The following KIF5A variants were observed in gnomAD, a reference collection of about 807,000 sequenced individuals.
The protein encoded by KIF5A is kinesin family member 5A.
KIF5A carries 35 observed loss-of-function variants against 141.3 expected under a neutral mutation model. The ratio of observed to expected loss-of-function variants is 0.25; its 90% CI spans 0.19 to 0.33. KIF5A has a LOEUF of 0.33. Among genes scored for constraint, KIF5A ranks in the 10% least tolerant of loss-of-function variants. KIF5A has a pLI of 1.00. For synonymous variants in KIF5A, 448 were observed against 500.2 expected (o/e 0.90, Z 1.39); for missense variants, 861 against 1,314.3 (o/e 0.66, Z 5.33).
At chr12:57,552,867 C>T (rs1881620961) in intron 1 of KIF5A, among the ~76,000 whole-genome samples, 1 of 152,144 alleles carries the variant, frequency 6.6e-6, no homozygotes, top group East Asian at 1.9e-4. Flanking sequence ...CTCTGCAGCA[C>T]TGCGGCCAGC....
intron 6 of KIF5A, among the ~76,000 whole-genome samples, chr12:57,565,929 GT>G (rs1882050299): frequency 6.9e-6 from 1 of 143,964 alleles, no homozygotes; most frequent in Admixed American, 7.0e-5. Context: ...TGAGTCTCTT[GT>G]TTAAAAAAAA....
At chr12:57,563,074 TCGGCTCAC>T (rs1488777644) in intron 1 of KIF5A, among the ~76,000 whole-genome samples, 3 of 151,406 alleles carry the variant, frequency 2.0e-5, no homozygotes, top group Non-Finnish European at 4.4e-5. Flanking sequence ...TGGCGCAATC[TCGGCTCAC>T]TGCAACCTCT....
chr12:57,582,996 C>T lies in KIF5A; in HGVS notation c.3021-105C>T, dbSNP rs542366044. Reference sequence around the variant, plus strand: ...GTATTCCTGTAAAACACAAATAGTCCCTGCCGTTTGTGATCTCACAGGGAC... The same window carrying T: ...GTATTCCTGTAAAACACAAATAGTCTCTGCCGTTTGTGATCTCACAGGGAC... On this transcript the variant is annotated intron_variant, in intron 27 of 28. Transcript: ENST00000455537. 3 of 919,576 alleles carry T rather than the reference C, an allele frequency of 3.3e-6. No homozygotes were observed. The South Asian group carries it at 4.2e-5, about 13-fold the overall frequency. 57.0% of individuals were successfully genotyped at this position (919,576 alleles called of 1,614,324 possible). A position where few individuals can be genotyped will look rare whatever the true frequency, so the allele number is the denominator to read the frequency against.
intron 1 of KIF5A, among the ~76,000 whole-genome samples, chr12:57,559,159 T>C (rs545205511): frequency 2.6e-5 from 4 of 152,384 alleles, no homozygotes; most frequent in African/African-American, 7.2e-5. Flanking sequence ...AATCATCTGC[T>C]ATTACAAACA....
intron 1 of KIF5A, among the ~76,000 whole-genome samples, chr12:57,552,781 G>A (rs1413127902): frequency 1.3e-5 from 2 of 152,106 alleles, no homozygotes; most frequent in Non-Finnish European, 2.9e-5. Context: ...AGGAAGGTGC[G>A]GGAAGAGTGA....
intron 26 of KIF5A, 152 bp from the exon 27 acceptor site, chr12:57,582,450 T>A: frequency 1.4e-6 from 1 of 726,090 alleles, no homozygotes; most frequent in Non-Finnish European, 2.4e-6. Flanking sequence ...AACAAAATAA[T>A]GATGTAGCTT....
Position 57,550,287 on chromosome 12 carries a change from A to C in KIF5A, c.16A>C (p.Asn6His). Residue 6 changes from asparagine (N) to histidine (H), a missense_variant, in exon 1 of 29, where the codon AAC (asparagine) becomes CAC (histidine). By Grantham distance (68) the Asn-to-His change is moderately conservative. This residue lies in a region of KIF5A where 59 missense variants were observed against 81.1 expected (regional missense o/e 0.73). Coordinates refer to ENST00000455537, the MANE Select transcript of KIF5A (RefSeq NM_004984.4). This position sits in a 1 kb window ranked among gnomAD's most constrained non-coding sequence, Gnocchi z 4.6. ...GGCTACCACCATGGCGGAGACCAACAACGAATGTAGCATCAAGGTGCTCTG... is the reference window on the plus strand; with the variant it reads ...GGCTACCACCATGGCGGAGACCAACCACGAATGTAGCATCAAGGTGCTCTG... MAETN[N>H]ECSIKVLCRF... 1 of 1,614,130 alleles carries C rather than the reference A, an allele frequency of 6.2e-7. No homozygotes were observed. The highest frequency in any genetic ancestry group is 1.1e-5 in the South Asian group (1 of 91,092).
intron 11 of KIF5A, 70 bp downstream of exon 11, chr12:57,569,753 T>G: frequency 1.3e-6 from 2 of 1,590,016 alleles, no homozygotes; most frequent in Non-Finnish European, 1.7e-6. Flanking sequence ...CCAACTCTGT[T>G]TGGGTGGTGT....
At chr12:57,559,511 A>G (rs894080102) in intron 1 of KIF5A, among the ~76,000 whole-genome samples, 2 of 152,176 alleles carry the variant, frequency 1.3e-5, no homozygotes, top group Admixed American at 6.5e-5. Flanking sequence ...AGCCACTATA[A>G]CATCATTTTA....
rs373499975 is a variant in KIF5A, at chr12:57,564,713, C to T, written c.445+205C>T. ...AGCCAAGGACTACATATAAACAGTT[C>T]GAGAGGATCTGGGGCCGAGGAGCAG... is the stretch of plus-strand genomic sequence containing the variant. On this transcript the variant is annotated intron_variant, in intron 5 of 28. Transcript: ENST00000455537. Among the ~76,000 whole-genome samples, 54 of 152,218 alleles carry T rather than the reference C, an allele frequency of 3.5e-4. 1 individual carries two copies. In the East Asian group the frequency reaches 7.1e-3, roughly 20 times the overall value.
In KIF5A at chr12:57,583,202, A is replaced by G. The variant is rs1302457445; in HGVS notation, c.*23A>G. ...TAATCTCCCACACCCACGGCTGCAT[A>G]CCTGCACTTTCAGGTAGCGTCAGGC... On this transcript the variant is annotated 3_prime_UTR_variant, in exon 28 of 29. Coordinates refer to ENST00000455537, the MANE Select transcript of KIF5A (RefSeq NM_004984.4). 2 of 1,605,842 alleles carry G rather than the reference A, an allele frequency of 1.2e-6. No homozygotes were observed. The highest frequency in any genetic ancestry group is 1.7e-5 in the Admixed American group (1 of 59,768).
intron 1 of KIF5A, among the ~76,000 whole-genome samples, chr12:57,552,475 G>T (rs143365217): frequency 3.9e-5 from 6 of 152,130 alleles, no homozygotes; most frequent in Non-Finnish European, 5.9e-5. Context: ...TGTCTTGCTC[G>T]TATCTTCCCT....
rs1321577557 is a variant in KIF5A at position 57,584,619 on chromosome 12, ACATGCACACACG to A, written c.*450_*461del. 1 of 152,576 alleles carries A rather than the reference ACATGCACACACG, an allele frequency of 6.6e-6. No homozygotes were observed. Among genetic ancestry groups the A allele is most frequent in the African/African-American group, 2.4e-5 (1 of 41,408 alleles). The allele number at this position is 152,576 out of a possible 1,614,324, so 9.5% of individuals were successfully genotyped here. ...TACACACACGCACGCACGCACACAAACATGCACACACGCATGCACACACACAAAGCCTTAAGC... is the reference window on the plus strand; with the variant it reads ...TACACACACGCACGCACGCACACAAACATGCACACACACAAAGCCTTAAGC... On this transcript the variant is annotated 3_prime_UTR_variant, in exon 29 of 29. Transcript: ENST00000455537.
rs1240356713 is a variant in KIF5A, at chr12:57,570,159, C to G, written c.1290C>G (p.Asp430Glu). 3.1e-6 allele frequency: 5 copies of G among 1,613,424 alleles called. No homozygotes were observed. In the African/African-American group the frequency reaches 6.7e-5, roughly 22 times the overall value. Residue 430 changes from aspartate (D) to glutamate (E), a missense_variant, in exon 12 of 29, where the codon GAC becomes GAG. Around this residue, in one of 5 missense-constraint regions of KIF5A, gnomAD observed 167 missense variants for 192.0 expected, o/e 0.87. Coordinates refer to ENST00000455537, the MANE Select transcript of KIF5A (RefSeq NM_004984.4). Reference sequence around the variant, plus strand: ...GCCGTCTCTATAAGCAGCTTGACGACAAGGTGAGGGCGGCCAGGCAGGGCA... The same window carrying G: ...GCCGTCTCTATAAGCAGCTTGACGAGAAGGTGAGGGCGGCCAGGCAGGGCA... ...EIRRLYKQLD[D>E]KDDEINQQSQ...
At chr12:57,576,474 C>T (rs1882430138) in intron 19 of KIF5A, 96 bp downstream of exon 19, 4 of 941,808 alleles carry the variant, frequency 4.2e-6, no homozygotes, top group Admixed American at 2.0e-5. Flanking sequence ...CTTTAACATC[C>T]ATGTGTCATT....
chr12:57,571,964 A>C, intron 13 of KIF5A, 97 bp from the exon 14 acceptor site: 1 of 983,716 alleles, frequency 1.0e-6, no homozygotes, highest in Non-Finnish European at 1.6e-6. Context: ...TTAACTCTTT[A>C]TTTTGGGTAG....
intron 19 of KIF5A, 136 bp downstream of exon 19, chr12:57,576,514 C>T (rs1594922938): frequency 1.3e-6 from 1 of 764,072 alleles, no homozygotes; most frequent in Non-Finnish European, 2.3e-6. Flanking sequence ...TTCGTAGCCC[C>T]ACCTCAGGAG....
rs979278348 is a variant in KIF5A at position 57,552,532 on chromosome 12, C to T, written c.129+2132C>T. 6.6e-5 allele frequency among the ~76,000 whole-genome samples: 10 copies of T among 152,158 alleles called. No homozygotes were observed. The East Asian group carries it at 1.2e-3, about 18-fold the overall frequency. Reference sequence around the variant, plus strand: ...TCTCTCACTTGAAGATAAATGCTTACGGGGGGGCCATTTTGTCTTAGGCAA... The same window carrying T: ...TCTCTCACTTGAAGATAAATGCTTATGGGGGGGCCATTTTGTCTTAGGCAA... On this transcript the variant is annotated intron_variant, in intron 1 of 28. Coordinates refer to ENST00000455537, the MANE Select transcript of KIF5A (RefSeq NM_004984.4).
chr12:57,575,591 T>G, intron 16 of KIF5A, 49 bp from the exon 17 acceptor site: 1 of 1,462,900 alleles, frequency 6.8e-7, no homozygotes, highest in Non-Finnish European at 9.6e-7. Context: ...TGGCCTGGGT[T>G]TGTGTCCTTT....
Sources: gnomAD v4.1 joint callset for allele counts (sites outside exome capture counted in the v4.1 genomes callset) on GRCh38, gnomAD v4.1.1 for gene constraint, gnomAD v4.1.1 regional missense constraint, Gnocchi (gnomAD v3.1) non-coding constraint, MANE v1.5 for transcripts, NCBI Gene and HGNC (gene_info 2026-07-23, HGNC 2026-07-21) for gene names.